The following HERC4 variants were observed in gnomAD, a reference collection of about 807,000 sequenced individuals.
HERC4 encodes the protein HECT and RLD domain containing E3 ubiquitin protein ligase 4.
In HERC4, 28 loss-of-function variants were observed where a neutral mutation model predicts 124.3. The ratio of observed to expected loss-of-function variants is 0.23; its 90% CI spans 0.17 to 0.31. The LOEUF is 0.31. HERC4 is among the 10% of genes least tolerant of loss of function. HERC4 has a pLI of 1.00. For missense variants in HERC4, 713 were observed against 1,229.3 expected, an observed-to-expected ratio of 0.58 and a Z score of 6.28; for synonymous variants, 407 against 421.5, an observed-to-expected ratio of 0.97 and a Z score of 0.42.
At chr10:68,070,381 C>T (rs1315031958) in intron 3 of HERC4, 47 of 580,992 alleles carry the variant, frequency 8.1e-5, no homozygotes, top group Non-Finnish European at 1.0e-4. Context: ...CCAAGGCAGG[C>T]GGATCACCTG....
intron 8 of HERC4, among the ~76,000 whole-genome samples, chr10:68,017,714 C>T (rs894080900): frequency 6.6e-6 from 1 of 152,102 alleles, no homozygotes; most frequent in East Asian, 1.9e-4. Flanking sequence ...GTCATGAACC[C>T]CTGACCTCAG....
At chr10:67,977,119 C>T (rs2035639211) in intron 15 of HERC4, among the ~76,000 whole-genome samples, 1 of 152,168 alleles carries the variant, frequency 6.6e-6, no homozygotes, top group African/African-American at 2.4e-5. Flanking sequence ...CCCAAGGCTG[C>T]ACAGCTTGTG....
At chr10:68,056,012 T>C (rs1251909622) in intron 3 of HERC4, among the ~76,000 whole-genome samples, 1 of 152,104 alleles carries the variant, frequency 6.6e-6, no homozygotes, top group Admixed American at 6.6e-5. Context: ...TCTCCCAAAG[T>C]GCTGGGATTA....
chr10:68,049,547 C>T (rs1397560157), intron 3 of HERC4, among the ~76,000 whole-genome samples: 2 of 131,388 alleles, frequency 1.5e-5, no homozygotes, highest in African/African-American at 6.0e-5. Context: ...GCCAAATTCA[C>T]ACCACTGCAC....
intron 4 of HERC4, among the ~76,000 whole-genome samples, chr10:68,042,215 G>T (rs1252433523): frequency 6.6e-6 from 1 of 152,132 alleles, no homozygotes; most frequent in Non-Finnish European, 1.5e-5. Context: ...CACCTTCTTG[G>T]CCAGGCTGGT....
intron 19 of HERC4, 120 bp from the exon 20 acceptor site, chr10:67,941,225 A>G (rs927525900): frequency 3.2e-6 from 2 of 620,796 alleles, no homozygotes; most frequent in African/African-American, 3.9e-5. Context: ...TAAATAACAA[A>G]AGTTCATCCT....
At chr10:68,052,027 T>C (rs1460127114) in intron 3 of HERC4, among the ~76,000 whole-genome samples, 2 of 152,132 alleles carry the variant, frequency 1.3e-5, no homozygotes, top group Admixed American at 1.3e-4. Context: ...AAAGTATCAT[T>C]GTGTTCCTAT....
At chr10:68,022,794 T>C (rs2038707415) in intron 8 of HERC4, among the ~76,000 whole-genome samples, 1 of 151,904 alleles carries the variant, frequency 6.6e-6, no homozygotes, top group African/African-American at 2.4e-5. Flanking sequence ...TGATAAGGGA[T>C]TAGTATCTAG....
chr10:67,960,202 T>C (rs1331168709), intron 16 of HERC4, among the ~76,000 whole-genome samples: 2 of 152,206 alleles, frequency 1.3e-5, no homozygotes, highest in Non-Finnish European at 2.9e-5. Flanking sequence ...TGAGCTTCTT[T>C]GGCTAGAAAT....
At chr10:68,047,326 T>A (rs2133544187) in intron 3 of HERC4, among the ~76,000 whole-genome samples, 1 of 151,978 alleles carries the variant, frequency 6.6e-6, no homozygotes, top group African/African-American at 2.4e-5. Context: ...GAGAAGCCAA[T>A]AATAGATTCA....
In HERC4 at chr10:67,932,591, C is replaced by T. The variant is rs747328455; in HGVS notation, c.2838+6G>A. The T allele has an allele frequency of 7.5e-6, 12 of 1,600,234 alleles. No homozygotes were observed. The highest frequency in any genetic ancestry group is 1.0e-5 in the Non-Finnish European group (12 of 1,175,090). Reference sequence around the variant, plus strand: ...TTAACAATATCAGAGATTAGTTTTCCCCTACCTTTTCCAGTTCCTTCCAAT... The same window carrying T: ...TTAACAATATCAGAGATTAGTTTTCTCCTACCTTTTCCAGTTCCTTCCAAT... On this transcript the variant is annotated splice_donor_region_variant and intron_variant, in intron 23 of 24. Coordinates refer to ENST00000373700, the MANE Select transcript of HERC4 (RefSeq NM_015601.4).
chr10:67,998,169 T>A (rs1466861478), intron 9 of HERC4, among the ~76,000 whole-genome samples: 1 of 151,522 alleles, frequency 6.6e-6, no homozygotes, highest in Non-Finnish European at 1.5e-5. Context: ...AGTGCTGGGA[T>A]TACAGGTGTG....
At position 68,075,182 on chromosome 10, in the gene HERC4, G is replaced by A. The variant is rs1298423318; in HGVS notation, c.-147C>T. ...GAAAAGCGGACGCCACTGCTGTCCA[G>A]TCCAGAGACAGCCGTCAGCGACCCG... On this transcript the variant is annotated 5_prime_UTR_variant, in exon 1 of 25. Coordinates refer to ENST00000373700, the MANE Select transcript of HERC4 (RefSeq NM_015601.4). 6.5e-6 allele frequency: 1 copy of A among 152,966 alleles called. No individual in the cohort carries two copies. The allele number at this position is 152,966 out of a possible 1,614,324, so 9.5% of individuals were successfully genotyped here. A position where few individuals can be genotyped will look rare whatever the true frequency, so the allele number is the denominator to read the frequency against.
chr10:67,973,994 C>T (rs371252161), intron 15 of HERC4, among the ~76,000 whole-genome samples: 6 of 149,434 alleles, frequency 4.0e-5, no homozygotes, highest in African/African-American at 1.5e-4. Flanking sequence ...TTGCAGTGAG[C>T]CGAGATCACG....
intron 4 of HERC4, among the ~76,000 whole-genome samples, chr10:68,038,701 T>A (rs1384013545): frequency 1.3e-5 from 2 of 152,190 alleles, no homozygotes; most frequent in East Asian, 3.8e-4. Context: ...TTGCTTTACG[T>A]CTAAATCAGG....
intron 3 of HERC4, among the ~76,000 whole-genome samples, chr10:68,055,625 C>G (rs531311959): frequency 6.6e-6 from 1 of 152,184 alleles, no homozygotes; most frequent in East Asian, 1.9e-4. Flanking sequence ...GATAAAGGCA[C>G]TAAGTTATAA....
At chr10:67,993,551 A>G (rs1456504663) in intron 9 of HERC4, 1 of 152,098 alleles carries the variant, frequency 6.6e-6, no homozygotes, top group African/African-American at 2.4e-5. Context: ...ATTCTTAAAA[A>G]GAAACAGCAA....
intron 19 of HERC4, among the ~76,000 whole-genome samples, chr10:67,950,314 T>C (rs773598051): frequency 6.6e-6 from 1 of 151,342 alleles, no homozygotes; most frequent in Non-Finnish European, 1.5e-5. Context: ...TCTTGCTCTG[T>C]CCCCAGGCTG....
intron 9 of HERC4, among the ~76,000 whole-genome samples, chr10:68,005,777 C>T (rs1394562869): frequency 6.6e-6 from 1 of 152,002 alleles, no homozygotes; most frequent in East Asian, 1.9e-4. Flanking sequence ...AATCATGGCT[C>T]ACTGCAGCCT....
Sources: gnomAD v4.1 joint callset for allele counts (sites outside exome capture counted in the v4.1 genomes callset) on GRCh38, gnomAD v4.1.1 for gene constraint, MANE v1.5 for transcripts, NCBI Gene and HGNC (gene_info 2026-07-23, HGNC 2026-07-21) for gene names.